Variants in GRIK1 observed in about 807,000 individuals in gnomAD.
The protein encoded by GRIK1 is glutamate receptor ionotropic, kainate 1.
In GRIK1, 69 loss-of-function variants were observed where a neutral mutation model predicts 105.7. The ratio of observed to expected loss-of-function variants is 0.65; its 90% CI spans 0.54 to 0.80. The LOEUF (loss-of-function observed/expected upper bound fraction) is 0.80, where lower values mean the gene tolerates loss of function less well. Among genes scored for constraint, GRIK1 ranks in the 30% least tolerant of loss-of-function variants. The probability of loss-of-function intolerance (pLI) is 0.00; values close to 1 mark genes in which losing one functional copy is unlikely to be tolerated. For synonymous variants in GRIK1, 438 were observed against 431.3 expected (o/e 1.02, Z -0.19); for missense variants, 1,109 against 1,167.3 (o/e 0.95, Z 0.73).
rs755110122 is a variant in GRIK1 at position 29,651,250 on chromosome 21, G to A, written c.822C>T (p.Gly274=). 3.7e-6 allele frequency: 6 copies of A among 1,613,128 alleles called. No individual in the cohort carries two copies. Among genetic ancestry groups the A allele is most frequent in the Non-Finnish European group, 5.1e-6 (6 of 1,179,224 alleles). The stretch of plus-strand genomic sequence containing the variant: ...GCAGCCGAAACCCGGTCATGTTTAC[G>A]CCACTGTACCTATAGAGTTCCAGAT... ...ALDLELYRYS[G]VNMTGFRLLN... is the part of the protein sequence containing the mutation. The change falls in exon 6 of 18, where the codon GGC becomes GGT. Residue 274 remains glycine (G), a synonymous_variant. Transcript: ENST00000327783.
At chr21:29,897,433 A>G (rs952947467) in intron 1 of GRIK1, among the ~76,000 whole-genome samples, 5 of 152,212 alleles carry the variant, frequency 3.3e-5, no homozygotes, top group African/African-American at 1.2e-4. Flanking sequence ...AAAATGAAGA[A>G]ATTGGTAGCG....
At chr21:29,870,478 A>G (rs1465293890) in intron 1 of GRIK1, among the ~76,000 whole-genome samples, 1 of 151,736 alleles carries the variant, frequency 6.6e-6, no homozygotes, top group Non-Finnish European at 1.5e-5. Flanking sequence ...CACTAAATAA[A>G]ATGTTTTACA....
chr21:29,685,616 A>T (rs561676057), intron 3 of GRIK1, among the ~76,000 whole-genome samples: 1 of 152,310 alleles, frequency 6.6e-6, no homozygotes, highest in African/African-American at 2.4e-5. Context: ...TAAGAGAGCC[A>T]AACCTAAAAT....
intron 1 of GRIK1, among the ~76,000 whole-genome samples, chr21:29,796,415 T>G (rs2066556861): frequency 6.6e-6 from 1 of 152,118 alleles, no homozygotes; most frequent in Non-Finnish European, 1.5e-5. Context: ...TTGTTATATT[T>G]TAATTGTTAA....
At chr21:29,707,634 T>TA (rs2063950162) in intron 1 of GRIK1, among the ~76,000 whole-genome samples, 8 of 151,954 alleles carry the variant, frequency 5.3e-5, no homozygotes, top group Admixed American at 5.2e-4. Flanking sequence ...TAGTTGGGCC[T>TA]ACAGGCGTTC....
chr21:29,700,670 C>A (rs2063794969), intron 1 of GRIK1, among the ~76,000 whole-genome samples: 1 of 152,076 alleles, frequency 6.6e-6, no homozygotes, highest in South Asian at 2.1e-4. Context: ...GAACAGGGAG[C>A]TATCCGAATC....
chr21:29,723,848 A>G (rs1306992093), intron 1 of GRIK1, among the ~76,000 whole-genome samples: 1 of 152,178 alleles, frequency 6.6e-6, no homozygotes, highest in Non-Finnish European at 1.5e-5. Flanking sequence ...TAACACAAGC[A>G]GCTCTAAGCA....
At chr21:29,823,937 A>G (rs466884) in intron 1 of GRIK1, among the ~76,000 whole-genome samples, 126,032 of 151,748 alleles carry the variant, frequency 0.83, 53,031 homozygotes, top group East Asian at 0.93. Context: ...GTTTAATGGG[A>G]ATACCATGGA....
At chr21:29,717,281 G>C (rs977071159) in intron 1 of GRIK1, among the ~76,000 whole-genome samples, 13 of 152,218 alleles carry the variant, frequency 8.5e-5, no homozygotes, top group African/African-American at 3.1e-4. Flanking sequence ...AGTCCCCACT[G>C]TAGCACTCCC....
At chr21:29,857,870 C>T (rs928080937) in intron 1 of GRIK1, among the ~76,000 whole-genome samples, 7 of 152,116 alleles carry the variant, frequency 4.6e-5, no homozygotes, top group African/African-American at 1.7e-4. Context: ...TCATCACCCC[C>T]TAGTCTCCTG....
Position 29,937,439 on chromosome 21 carries a change from A to G in GRIK1, c.118+1944T>C, listed in dbSNP as rs573290986. ...AGAAAACCTCATTATCTTGTTGCAT[A>G]TATTTGTAAGGTCAGTGAATCATGT... On this transcript the variant is annotated intron_variant, in intron 1 of 17. Coordinates refer to ENST00000327783, the MANE Select transcript of GRIK1 (RefSeq NM_001330994.2). Among the ~76,000 whole-genome samples, 15 of 152,342 alleles carry G rather than the reference A, an allele frequency of 9.8e-5. No individual in the cohort carries two copies. In the South Asian group the frequency reaches 1.4e-3, roughly 15 times the overall value.
Position 29,606,244 on chromosome 21 carries a change from A to G in GRIK1, c.1099-7307T>C, listed in dbSNP as rs115082947. Among the ~76,000 whole-genome samples, 1,458 of 152,236 alleles carry G rather than the reference A, an allele frequency of 9.6e-3. 22 individuals are homozygous for G. The highest frequency in any genetic ancestry group is 0.033 in the African/African-American group (1,391 of 41,528). The stretch of plus-strand genomic sequence containing the variant: ...TAGAAAAGATAACCTGAAAAATTAT[A>G]ATTGTATTGACCTATCGGACATTGG... On this transcript the variant is annotated intron_variant, in intron 7 of 17. Coordinates refer to ENST00000327783, the MANE Select transcript of GRIK1 (RefSeq NM_001330994.2).
intron 14 of GRIK1, among the ~76,000 whole-genome samples, chr21:29,575,838 AAAAAC>A (rs748505816): frequency 1.5e-4 from 23 of 152,144 alleles, no homozygotes; most frequent in African/African-American, 5.1e-4. Context: ...TCTCAAAACA[AAAAAC>A]AAAACAAAAA....
intron 1 of GRIK1, among the ~76,000 whole-genome samples, chr21:29,863,031 T>C (rs1385585712): frequency 6.6e-6 from 1 of 152,234 alleles, no homozygotes; most frequent in East Asian, 1.9e-4. Context: ...ACAGTACCTG[T>C]GTATTTATCT....
intron 7 of GRIK1, among the ~76,000 whole-genome samples, chr21:29,638,692 A>AT (rs1172646046): frequency 6.6e-6 from 1 of 152,130 alleles, no homozygotes; most frequent in Admixed American, 6.5e-5. Context: ...ATACATGTAC[A>AT]TTTTTTCTGT....
At chr21:29,780,582 A>G (rs892327787) in intron 1 of GRIK1, among the ~76,000 whole-genome samples, 1 of 152,182 alleles carries the variant, frequency 6.6e-6, no homozygotes, top group Non-Finnish European at 1.5e-5. Context: ...CTGCGACAAT[A>G]GAAACAGAAG....
intron 9 of GRIK1, among the ~76,000 whole-genome samples, chr21:29,593,036 A>G (rs1366593721): frequency 1.3e-5 from 2 of 152,218 alleles, no homozygotes; most frequent in Non-Finnish European, 2.9e-5. Flanking sequence ...AGCAGCTGGA[A>G]ATTCATTTAG....
chr21:29,597,721 A>G (rs756483981), intron 8 of GRIK1: 3 of 406,376 alleles, frequency 7.4e-6, no homozygotes, highest in Non-Finnish European at 1.6e-5. Context: ...TATAATGTGT[A>G]CTCTCAAAAC....
Position 29,642,831 on chromosome 21 carries a change from T to A in GRIK1, c.1093A>T (p.Lys365Ter). The A allele has an allele frequency of 1.2e-6, 2 of 1,614,112 alleles. No homozygotes were observed. Among genetic ancestry groups the A allele is most frequent in the Non-Finnish European group, 1.7e-6 (2 of 1,179,954 alleles). Residue 365 changes from lysine to a stop codon, truncating the protein, a stop_gained, in exon 7 of 18, where the codon AAA (lysine) becomes TAA (stop). Coordinates refer to ENST00000327783, the MANE Select transcript of GRIK1 (RefSeq NM_001330994.2). LOFTEE classifies it high-confidence loss of function. The part of the protein sequence containing the change: ...RLGPRFMNLI[K>*]EARWDGLTGH... ...TGTGAGGGAGCATCACTTGCCTCTTTGATCAGGTTCATAAATCTGGGTCCG... is the reference window on the plus strand; with the variant it reads ...TGTGAGGGAGCATCACTTGCCTCTTAGATCAGGTTCATAAATCTGGGTCCG...
Sources: gnomAD v4.1 joint callset for allele counts (sites outside exome capture counted in the v4.1 genomes callset) on GRCh38, gnomAD v4.1.1 for gene constraint, MANE v1.5 for transcripts, NCBI Gene and HGNC (gene_info 2026-07-23, HGNC 2026-07-21) for gene names.